Variants in CTNNA2 observed in about 807,000 individuals in gnomAD.
The protein encoded by CTNNA2 is catenin alpha 2.
In CTNNA2, 42 loss-of-function variants were observed where a neutral mutation model predicts 101.0. The ratio of observed to expected loss-of-function variants is 0.42; its 90% CI spans 0.32 to 0.54. CTNNA2 has a LOEUF of 0.54. CTNNA2 is among the 20% of genes least tolerant of loss of function. The pLI is 0.14. For missense variants in CTNNA2, 871 were observed against 1,223.1 expected (o/e 0.71, Z 4.29); for synonymous variants, 450 against 456.4 (o/e 0.99, Z 0.18).
chr2:79,249,690 A>T (rs7607242), intron 2 of CTNNA2, among the ~76,000 whole-genome samples: 33,422 of 152,086 alleles, frequency 0.22, 3,949 homozygotes, highest in Admixed American at 0.35. Context: ...GGAATTACAT[A>T]GTCTTTGCAT....
chr2:79,766,660 C>G (rs977596415), intron 3 of CTNNA2, among the ~76,000 whole-genome samples: 3 of 152,114 alleles, frequency 2.0e-5, no homozygotes, highest in African/African-American at 7.2e-5. Flanking sequence ...GCCATTAATT[C>G]TTAGATTTGC....
At chr2:80,566,006 A>G (rs562013859) in intron 12 of CTNNA2, among the ~76,000 whole-genome samples, 2 of 152,334 alleles carry the variant, frequency 1.3e-5, no homozygotes, top group Non-Finnish European at 2.9e-5. Context: ...TAGATCAAGC[A>G]TCGTTGCTAC....
chr2:79,841,981 T>C (rs1679853800), intron 3 of CTNNA2, among the ~76,000 whole-genome samples: 1 of 152,172 alleles, frequency 6.6e-6, no homozygotes. Context: ...TGAGAGAAAA[T>C]GGTCTTTTTC....
chr2:79,341,741 G>C (rs751740472), intron 3 of CTNNA2, among the ~76,000 whole-genome samples: 21 of 152,164 alleles, frequency 1.4e-4, no homozygotes, highest in Non-Finnish European at 2.9e-4. Flanking sequence ...TCTGCACTCA[G>C]GGTTTCTCTC....
intron 7 of CTNNA2, among the ~76,000 whole-genome samples, chr2:80,260,459 A>G (rs1672523432): frequency 6.6e-6 from 1 of 152,234 alleles, no homozygotes; most frequent in African/African-American, 2.4e-5. Context: ...CTGAAATGGT[A>G]AGATCCTTTC....
intron 4 of CTNNA2, among the ~76,000 whole-genome samples, chr2:79,504,022 G>A (rs1671358707): frequency 6.6e-6 from 1 of 152,124 alleles, no homozygotes; most frequent in Admixed American, 6.5e-5. Flanking sequence ...TAGAAGCTTA[G>A]ACAACCCAAA....
At chr2:79,200,783 A>G (rs985435026) in intron 2 of CTNNA2, among the ~76,000 whole-genome samples, 6 of 152,218 alleles carry the variant, frequency 3.9e-5, no homozygotes, top group Non-Finnish European at 7.3e-5. Context: ...CTTGGATGTT[A>G]CATTTGCATT....
chr2:79,213,716 G>A (rs1163273944), intron 2 of CTNNA2, among the ~76,000 whole-genome samples: 1 of 152,168 alleles, frequency 6.6e-6, no homozygotes, highest in East Asian at 1.9e-4. Flanking sequence ...GAATAATGTG[G>A]GAGGCTGGAT....
intron 3 of CTNNA2, among the ~76,000 whole-genome samples, chr2:79,357,272 G>T (rs1677528877): frequency 6.6e-6 from 1 of 152,108 alleles, no homozygotes; most frequent in African/African-American, 2.4e-5. Context: ...GTTGTAATGA[G>T]CTATATTCAC....
intron 5 of CTNNA2, among the ~76,000 whole-genome samples, chr2:79,870,710 G>A (rs1408716449): frequency 6.6e-6 from 1 of 152,162 alleles, no homozygotes; most frequent in East Asian, 1.9e-4. Context: ...AGGGGAAGTA[G>A]GCGCCTTCTT....
At chr2:80,565,838 A>G (rs1439963343) in intron 12 of CTNNA2, among the ~76,000 whole-genome samples, 3 of 152,126 alleles carry the variant, frequency 2.0e-5, no homozygotes, top group Non-Finnish European at 4.4e-5. Context: ...AACTTGTTGA[A>G]TGTATTTCTG....
At chr2:79,748,363 A>G (rs184905440) in intron 3 of CTNNA2, among the ~76,000 whole-genome samples, 1 of 152,340 alleles carries the variant, frequency 6.6e-6, no homozygotes, top group Non-Finnish European at 1.5e-5. Flanking sequence ...AATATGCAAG[A>G]TGATATTCAG....
chr2:80,088,743 G>A (rs1699597935), intron 7 of CTNNA2, among the ~76,000 whole-genome samples: 1 of 152,026 alleles, frequency 6.6e-6, no homozygotes. Context: ...GGATTGAAAG[G>A]TGAAGTTGTT....
At chr2:80,047,777 G>A (rs1201266517) in intron 7 of CTNNA2, among the ~76,000 whole-genome samples, 2 of 152,200 alleles carry the variant, frequency 1.3e-5, no homozygotes, top group Non-Finnish European at 2.9e-5. Flanking sequence ...AAATTAGCAA[G>A]TAAGAGAGCT....
chr2:79,849,151 G>T (rs1179480444), intron 3 of CTNNA2, among the ~76,000 whole-genome samples: 2 of 152,034 alleles, frequency 1.3e-5, no homozygotes, highest in African/African-American at 4.8e-5. Context: ...CTAATTTATT[G>T]TTTTCTGAGA....
intron 1 of CTNNA2, among the ~76,000 whole-genome samples, chr2:79,635,538 T>C (rs1032132800): frequency 6.6e-6 from 1 of 151,932 alleles, no homozygotes; most frequent in Non-Finnish European, 1.5e-5. Context: ...AGTTTCACTC[T>C]TGTCGCCCAG....
chr2:80,154,739 T>C (rs988601010), intron 7 of CTNNA2, among the ~76,000 whole-genome samples: 1 of 152,198 alleles, frequency 6.6e-6, no homozygotes, highest in African/African-American at 2.4e-5. Flanking sequence ...GTGAGTCCTA[T>C]GTGTCTCCTC....
At chr2:79,326,469 T>A (rs987397751) in intron 3 of CTNNA2, among the ~76,000 whole-genome samples, 7 of 152,224 alleles carry the variant, frequency 4.6e-5, no homozygotes, top group African/African-American at 1.7e-4. Flanking sequence ...ACCTAGGTTT[T>A]TTTTAAATCT....
chr2:79,795,969 T>A (rs1675667631), intron 3 of CTNNA2, among the ~76,000 whole-genome samples: 1 of 152,210 alleles, frequency 6.6e-6, no homozygotes. Flanking sequence ...GGTCAGTATG[T>A]CTGGAAACGG....
Sources: allele counts gnomAD v4.1 joint callset (sites outside exome capture counted in the v4.1 genomes callset), GRCh38; gene constraint gnomAD v4.1.1; transcripts MANE v1.5; gene names NCBI Gene and HGNC (gene_info 2026-07-23, HGNC 2026-07-21).